The following ELAVL2 variants were observed in gnomAD, a reference collection of about 807,000 sequenced individuals.
ELAVL2 encodes the protein ELAV like RNA binding protein 2, also known as ELAV-like protein 2.
ELAVL2 carries 4 observed loss-of-function variants against 34.6 expected under a neutral mutation model. The ratio of observed to expected loss-of-function variants is 0.12; its 90% CI spans 0.06 to 0.26. The LOEUF (loss-of-function observed/expected upper bound fraction) is 0.26. Ranked by LOEUF, ELAVL2 falls within the 10% of genes least tolerant of loss-of-function variation. The probability of loss-of-function intolerance (pLI) is 1.00; values close to 1 mark genes in which losing one functional copy is unlikely to be tolerated. For synonymous variants in ELAVL2, 193 were observed against 154.8 expected (o/e 1.25, Z -1.83); for missense variants, 432 against 442.8 (o/e 0.98, Z 0.22).
chr9:23,826,866 A>G (rs1325981527), upstream of ELAVL2, among the ~76,000 whole-genome samples: 1 of 152,038 alleles, frequency 6.6e-6, no homozygotes, highest in Non-Finnish European at 1.5e-5. Context: ...TTTGTATTAG[A>G]TGTTAGGTAA....
At chr9:23,744,463 A>G (rs1182875084) in intron 2 of ELAVL2, among the ~76,000 whole-genome samples, 5 of 152,180 alleles carry the variant, frequency 3.3e-5, no homozygotes, top group African/African-American at 9.7e-5. Context: ...AAATAGTTAT[A>G]TATTATAAAC....
intron 1 of ELAVL2, chr9:23,779,259 T>C (rs2058705361): frequency 2.0e-6 from 2 of 985,328 alleles, no homozygotes; most frequent in African/African-American, 1.7e-5. Context: ...CTGCTGCTTT[T>C]GGTTTACCCC....
intron 4 of ELAVL2, 41 bp downstream of exon 4, chr9:23,704,877 C>T: frequency 6.2e-7 from 1 of 1,607,742 alleles, no homozygotes; most frequent in Non-Finnish European, 8.5e-7. Context: ...ATCTGCTAGT[C>T]AGAGACAGGG....
At chr9:23,697,455 A>G (rs2035649631) in intron 5 of ELAVL2, among the ~76,000 whole-genome samples, 1 of 152,232 alleles carries the variant, frequency 6.6e-6, no homozygotes, top group Non-Finnish European at 1.5e-5. Context: ...TATAGTAATT[A>G]GCAAGACATT....
chr9:23,793,683 G>C (rs962250114), intron 1 of ELAVL2, among the ~76,000 whole-genome samples: 3 of 152,136 alleles, frequency 2.0e-5, no homozygotes, highest in African/African-American at 4.8e-5. Flanking sequence ...TTCATCATGT[G>C]AGTGACAAAA....
At chr9:23,811,929 C>T (rs147642156) in intron 1 of ELAVL2, among the ~76,000 whole-genome samples, 1 of 151,922 alleles carries the variant, frequency 6.6e-6, no homozygotes. Flanking sequence ...ATGGGAGGAA[C>T]GGGGGAGGGA....
intron 1 of ELAVL2, among the ~76,000 whole-genome samples, chr9:23,798,467 A>T (rs546552709): frequency 1.3e-5 from 2 of 152,300 alleles, no homozygotes; most frequent in African/African-American, 4.8e-5. Flanking sequence ...TATACCACCT[A>T]CATCTCAGAG....
chr9:23,701,645 G>C (rs1436409751), intron 4 of ELAVL2, 41 bp from the exon 5 acceptor site: 1 of 1,592,508 alleles, frequency 6.3e-7, no homozygotes, highest in Non-Finnish European at 8.6e-7. Flanking sequence ...AGAGGGAACA[G>C]AAGGAGAAGG....
At position 23,692,240 on chromosome 9, in the gene ELAVL2, T is replaced by C. The variant is rs1296200562; in HGVS notation, c.*317A>G. On this transcript the variant is annotated 3_prime_UTR_variant, in exon 7 of 7. Coordinates refer to ENST00000397312, the MANE Select transcript of ELAVL2 (RefSeq NM_004432.5). Reference sequence around the variant, plus strand: ...TTTACTCACAGGTTCAAGGCAGTTATGTAAAAAGAAAAGAAATGTCTTCCC... The same window carrying C: ...TTTACTCACAGGTTCAAGGCAGTTACGTAAAAAGAAAAGAAATGTCTTCCC... The C allele has an allele frequency of 2.2e-5, 5 of 223,776 alleles. No homozygotes were observed. The highest frequency in any genetic ancestry group is 3.6e-5 in the Non-Finnish European group (4 of 112,640). 13.9% of individuals were successfully genotyped at this position (223,776 alleles called of 1,614,324 possible).
At chr9:23,764,442 T>C (rs1256779505) in intron 1 of ELAVL2, among the ~76,000 whole-genome samples, 2 of 152,132 alleles carry the variant, frequency 1.3e-5, no homozygotes, top group African/African-American at 4.8e-5. Context: ...AATTACAGCA[T>C]CTCTCTGCTA....
At chr9:23,806,571 AAAGTTAC>A (rs1483037158) in intron 1 of ELAVL2, among the ~76,000 whole-genome samples, 1 of 152,176 alleles carries the variant, frequency 6.6e-6, no homozygotes, top group Admixed American at 6.5e-5. Context: ...CCAGGAATTC[AAAGTTAC>A]AGTTAACTAT....
intron 3 of ELAVL2, among the ~76,000 whole-genome samples, chr9:23,726,517 G>C (rs2045215838): frequency 6.6e-6 from 1 of 151,964 alleles, no homozygotes. Context: ...TATTCCCTGA[G>C]ATAACAGCTC....
At chr9:23,822,247 C>T (rs1295759405) in intron 1 of ELAVL2, among the ~76,000 whole-genome samples, 1 of 152,008 alleles carries the variant, frequency 6.6e-6, no homozygotes, top group Non-Finnish European at 1.5e-5. Context: ...TTCTCTTTTT[C>T]CCCCTACTTC....
At chr9:23,714,378 A>G (rs1385023587) in intron 3 of ELAVL2, among the ~76,000 whole-genome samples, 2 of 152,234 alleles carry the variant, frequency 1.3e-5, no homozygotes, top group Admixed American at 6.5e-5. Flanking sequence ...CATGGTGATA[A>G]TTATTAAAGT....
chr9:23,705,927 GT>G (rs2039187846), intron 3 of ELAVL2, among the ~76,000 whole-genome samples: 1 of 152,038 alleles, frequency 6.6e-6, no homozygotes, highest in South Asian at 2.1e-4. Flanking sequence ...GAACATTTTT[GT>G]TTTCTAGCCT....
chr9:23,698,887 G>C (rs141769409), intron 5 of ELAVL2, among the ~76,000 whole-genome samples: 139 of 152,250 alleles, frequency 9.1e-4, no homozygotes, highest in African/African-American at 3.2e-3. Flanking sequence ...CTATCTCTGA[G>C]CACACTAACT....
chr9:23,794,565 G>C (rs2060688466), intron 1 of ELAVL2, among the ~76,000 whole-genome samples: 1 of 152,188 alleles, frequency 6.6e-6, no homozygotes, highest in Non-Finnish European at 1.5e-5. Context: ...GATACATTCA[G>C]TTTTAAACAT....
At chr9:23,721,849 A>G (rs991545216) in intron 3 of ELAVL2, among the ~76,000 whole-genome samples, 2 of 152,230 alleles carry the variant, frequency 1.3e-5, no homozygotes, top group Non-Finnish European at 2.9e-5. Context: ...AACACATAAT[A>G]TGTAATACAT....
intron 1 of ELAVL2, among the ~76,000 whole-genome samples, chr9:23,762,617 A>T (rs1315663862): frequency 6.6e-6 from 1 of 152,110 alleles, no homozygotes; most frequent in Non-Finnish European, 1.5e-5. Flanking sequence ...CATACTAGAA[A>T]ATAAAAGTGC....
Sources: gnomAD v4.1 joint callset for allele counts (sites outside exome capture counted in the v4.1 genomes callset) on GRCh38, gnomAD v4.1.1 for gene constraint, MANE v1.5 for transcripts, NCBI Gene and HGNC (gene_info 2026-07-23, HGNC 2026-07-21) for gene names.